DNMT3B: variants seen among roughly 807,000 people sequenced by gnomAD.
The protein encoded by DNMT3B is DNA methyltransferase 3 beta.
Under a neutral mutation model 120.2 loss-of-function variants are expected in DNMT3B, and 37 were observed. The ratio of observed to expected loss-of-function variants is 0.31; its 90% CI spans 0.24 to 0.40. The LOEUF (loss-of-function observed/expected upper bound fraction) is 0.40. Among genes scored for constraint, DNMT3B ranks in the 10% least tolerant of loss-of-function variants. The probability of loss-of-function intolerance (pLI) is 1.00; values close to 1 mark genes in which losing one functional copy is unlikely to be tolerated. For missense variants in DNMT3B, 878 were observed against 1,137.3 expected (o/e 0.77, Z 3.28); for synonymous variants, 412 against 442.8 (o/e 0.93, Z 0.87).
At chr20:32,774,333 C>T (rs1471462732) in intron 1 of DNMT3B, among the ~76,000 whole-genome samples, 3 of 151,930 alleles carry the variant, frequency 2.0e-5, no homozygotes, top group Non-Finnish European at 2.9e-5. Context: ...CCTCAGCCTC[C>T]GGAGTAGCTG....
chr20:32,805,234 A>C, intron 20 of DNMT3B, 104 bp from the exon 21 acceptor site: 4 of 1,384,444 alleles, frequency 2.9e-6, no homozygotes, highest in Non-Finnish European at 4.1e-6. Context: ...AGCCAAGTTC[A>C]CTGCCAGGGC....
At chr20:32,792,349 G>A (rs189628914) in intron 8 of DNMT3B, among the ~76,000 whole-genome samples, 1 of 152,192 alleles carries the variant, frequency 6.6e-6, no homozygotes, top group Admixed American at 6.5e-5. Flanking sequence ...TGATATGTCT[G>A]CCTTTTGAGT....
chr20:32,793,494 A>AT (rs1353180087), intron 9 of DNMT3B, 42 bp from the exon 10 acceptor site: 1 of 1,606,234 alleles, frequency 6.2e-7, no homozygotes, highest in East Asian at 2.2e-5. Flanking sequence ...CATACATTTA[A>AT]TGTAATGTTT....
chr20:32,795,722 C>G, intron 12 of DNMT3B, 28 bp downstream of exon 12: 2 of 1,613,756 alleles, frequency 1.2e-6, no homozygotes, highest in East Asian at 4.5e-5. Flanking sequence ...CCAGTCATCC[C>G]CCTCACACCC....
rs949594205 is a variant in DNMT3B, at chr20:32,780,311, C to T, written c.-6-7C>T. On this transcript the variant is annotated splice_polypyrimidine_tract_variant and splice_region_variant and intron_variant, in intron 1 of 22. Transcript: ENST00000328111. ...TTTCACCCCACCCATTCTGGCTTCTCCCACAGGAAAGCATGAAGGGAGACA... is the reference window on the plus strand; with the variant it reads ...TTTCACCCCACCCATTCTGGCTTCTTCCACAGGAAAGCATGAAGGGAGACA... The T allele has an allele frequency of 6.2e-7, 1 of 1,613,802 alleles. No homozygotes were observed. The highest frequency in any genetic ancestry group is 1.3e-5 in the African/African-American group (1 of 74,896).
At chr20:32,805,484 T>G (rs1981867582) in intron 21 of DNMT3B, 77 bp downstream of exon 21, 4 of 1,573,564 alleles carry the variant, frequency 2.5e-6, no homozygotes, top group Non-Finnish European at 3.5e-6. Context: ...ACCTTGGTGT[T>G]TGATTGGTTC....
At chr20:32,788,725 C>T (rs1979623215) in intron 6 of DNMT3B, 129 bp from the exon 7 acceptor site, 1 of 1,205,720 alleles carries the variant, frequency 8.3e-7, no homozygotes. Context: ...AGGCATGAAC[C>T]ACGGTGTCTG....
At chr20:32,802,601 GT>G (rs1981487233) in intron 20 of DNMT3B, 131 bp downstream of exon 20, 2 of 929,096 alleles carry the variant, frequency 2.2e-6, no homozygotes, top group Non-Finnish European at 3.5e-6. Context: ...CAGACCACCT[GT>G]GGTCGTGCGG....
chr20:32,795,754 C>G, intron 12 of DNMT3B, 60 bp downstream of exon 12: 1 of 1,601,452 alleles, frequency 6.2e-7, no homozygotes, highest in Non-Finnish European at 8.5e-7. Context: ...CTAGGCCTGC[C>G]TTGTCCTGGC....
At chr20:32,779,742 A>T (rs1419529973) in intron 1 of DNMT3B, 1 of 294,530 alleles carries the variant, frequency 3.4e-6, no homozygotes, top group South Asian at 4.5e-5. Context: ...CAGCAGACCA[A>T]TGGGCCCTGG....
chr20:32,786,728 C>CT, intron 5 of DNMT3B, 101 bp downstream of exon 5: 1 of 1,573,048 alleles, frequency 6.4e-7, no homozygotes, highest in Non-Finnish European at 8.7e-7. Flanking sequence ...AATCTGTGTC[C>CT]TTTTTTCACA....
intron 7 of DNMT3B, 46 bp downstream of exon 7, chr20:32,789,058 C>T (rs1979663612): frequency 1.2e-6 from 2 of 1,607,408 alleles, no homozygotes; most frequent in Non-Finnish European, 8.5e-7. Flanking sequence ...TGAGGCTGTG[C>T]CTGCCTGCCT....
At chr20:32,781,029 G>T in intron 2 of DNMT3B, among the ~76,000 whole-genome samples, 1 of 152,242 alleles carries the variant, frequency 6.6e-6, no homozygotes, top group East Asian at 1.9e-4. Flanking sequence ...GGCTGACACA[G>T]CAGGCAGTGA....
chr20:32,805,335 C>G lies in DNMT3B; in HGVS notation c.2232-3C>G. On this transcript the variant is annotated splice_region_variant and splice_polypyrimidine_tract_variant and intron_variant, in intron 20 of 22. Transcript: ENST00000328111. ...AGAAGTAATGGGTTTTGGCTGTTCC[C>G]AGGCCCGTGATAGCATCAAAGAATG... The G allele has an allele frequency of 1.2e-6, 2 of 1,614,166 alleles. No individual in the cohort carries two copies. Among genetic ancestry groups the G allele is most frequent in the Non-Finnish European group, 8.5e-7 (1 of 1,180,018 alleles).
At chr20:32,784,695 T>A in intron 3 of DNMT3B, 63 bp from the exon 4 acceptor site, 1 of 1,579,586 alleles carries the variant, frequency 6.3e-7, no homozygotes, top group South Asian at 1.1e-5. Flanking sequence ...TGCAGGTGCC[T>A]TGTTTCTTTG....
In DNMT3B at chr20:32,787,283, C is replaced by T; in HGVS notation, c.486C>T (p.Pro162=). ...ASAGTPWPSP[P]SSYLTIDLTD... is the part of the protein sequence containing the mutation. ...CAGGAACGCCATGGCCGTCCCCTCC[C>T]AGCTCTTACCTTACCATCGACCTCA... The change falls in exon 6 of 23, where the codon CCC becomes CCT. Residue 162 remains proline, a synonymous_variant. Coordinates refer to ENST00000328111, the MANE Select transcript of DNMT3B (RefSeq NM_006892.4). 3.7e-6 allele frequency: 6 copies of T among 1,614,264 alleles called. No homozygotes were observed. The highest frequency in any genetic ancestry group is 1.1e-5 in the South Asian group (1 of 91,090).
chr20:32,787,441 C>T lies in DNMT3B; in HGVS notation c.644C>T (p.Ser215Leu), dbSNP rs760734960. The T allele has an allele frequency of 9.3e-6, 15 of 1,613,790 alleles. No individual in the cohort carries two copies. The African/African-American group carries it at 1.3e-4, about 14-fold the overall frequency. ...VEADSGDGDS[S>L]EYQDGKEFGI... is the part of the protein sequence containing the mutation. ...GCAGACAGTGGAGATGGAGACAGTT[C>T]AGAGTATCAGGTATGGCCGAGAGGG... Residue 215 changes from serine to leucine, a missense_variant, in exon 6 of 23, where the codon TCA (serine) becomes TTA (leucine). Ser to Leu is a moderately radical substitution (Grantham distance 145, BLOSUM62 -2). Transcript: ENST00000328111.
chr20:32,797,375 G>A, intron 14 of DNMT3B, 76 bp downstream of exon 14: 4 of 1,418,852 alleles, frequency 2.8e-6, no homozygotes, highest in Non-Finnish European at 3.9e-6. Flanking sequence ...GCAGACAGCT[G>A]TCTGTTGAAT....
chr20:32,792,910 A>G, intron 9 of DNMT3B, 140 bp downstream of exon 9: 2 of 1,323,722 alleles, frequency 1.5e-6, no homozygotes, highest in East Asian at 5.0e-5. Flanking sequence ...GAAAAATAGG[A>G]GCAGGCATAC....
Sources: gnomAD v4.1 joint callset for allele counts (sites outside exome capture counted in the v4.1 genomes callset) on GRCh38, gnomAD v4.1.1 for gene constraint, MANE v1.5 for transcripts, NCBI Gene and HGNC (gene_info 2026-07-23, HGNC 2026-07-21) for gene names.